Variants in SPATA13 observed in about 807,000 individuals in gnomAD.
SPATA13 encodes the protein spermatogenesis associated 13.
A neutral mutation model predicts 104.0 loss-of-function variants in SPATA13; 50 were observed. That is an observed-to-expected ratio of 0.48 (90% CI 0.38 to 0.61). The LOEUF is 0.61. SPATA13 is among the 20% of genes least tolerant of loss of function. The probability of loss-of-function intolerance (pLI) is 0.00; values close to 1 mark genes in which losing one functional copy is unlikely to be tolerated. For missense variants in SPATA13, 1,524 were observed against 1,690.6 expected, an observed-to-expected ratio of 0.90 and a Z score of 1.73; for synonymous variants, 606 against 667.5, an observed-to-expected ratio of 0.91 and a Z score of 1.42.
At chr13:24,027,331 C>T (rs1189131325) in intron 3 of SPATA13, among the ~76,000 whole-genome samples, 2 of 151,766 alleles carry the variant, frequency 1.3e-5, no homozygotes, top group Non-Finnish European at 2.9e-5. Flanking sequence ...GACGGCGTTT[C>T]ACCATGTTGA....
chr13:24,238,523 C>T lies in SPATA13; in HGVS notation c.1654-10954C>T, dbSNP rs187941666. Among the ~76,000 whole-genome samples the T allele has an allele frequency of 1.4e-4, 21 of 152,186 alleles. No individual in the cohort carries two copies. The Middle Eastern group carries it at 0.01, about 74-fold the overall frequency. ...ATGGGCTAGTTCTGCTAAGGTGCTTCAGTCCCTTTTCTGGCCATTTGTTTT... is the reference window on the plus strand; with the variant it reads ...ATGGGCTAGTTCTGCTAAGGTGCTTTAGTCCCTTTTCTGGCCATTTGTTTT... On this transcript the variant is annotated intron_variant, in intron 2 of 12. Transcript: ENST00000382108.
At chr13:24,072,021 G>T (rs918315105) in intron 3 of SPATA13, among the ~76,000 whole-genome samples, 2 of 152,110 alleles carry the variant, frequency 1.3e-5, no homozygotes, top group African/African-American at 4.8e-5. Flanking sequence ...TCCATATGCC[G>T]TCTTCTCATT....
intron 1 of SPATA13, among the ~76,000 whole-genome samples, chr13:24,190,643 G>A (rs1482301474): frequency 3.3e-5 from 5 of 151,884 alleles, no homozygotes; most frequent in Non-Finnish European, 5.9e-5. Context: ...TAGAAGTGGA[G>A]GCTGAAGATT....
chr13:23,994,515 T>C (rs916588848), intron 2 of SPATA13, among the ~76,000 whole-genome samples: 7 of 152,248 alleles, frequency 4.6e-5, no homozygotes, highest in Admixed American at 3.9e-4. Flanking sequence ...CTGGCCGGCA[T>C]GACTGCAGGT....
chr13:24,191,497 CTTTCTTT>C (rs1176894271), intron 1 of SPATA13, among the ~76,000 whole-genome samples: 16 of 119,934 alleles, frequency 1.3e-4, no homozygotes, highest in African/African-American at 4.1e-4. Flanking sequence ...CTATACATTG[CTTTCTTT>C]TTTTTTTTTT....
intron 2 of SPATA13, among the ~76,000 whole-genome samples, chr13:24,237,246 A>C (rs1872616186): frequency 6.6e-6 from 1 of 151,996 alleles, no homozygotes; most frequent in South Asian, 2.1e-4. Flanking sequence ...AGTCCCAGCT[A>C]CTCAGGAGGT....
intron 3 of SPATA13, among the ~76,000 whole-genome samples, chr13:24,030,637 A>G (rs2137715082): frequency 6.6e-6 from 1 of 152,268 alleles, no homozygotes; most frequent in Middle Eastern, 3.4e-3. Flanking sequence ...GTATTCAACA[A>G]TCTCTTATTT....
intron 3 of SPATA13, among the ~76,000 whole-genome samples, chr13:24,141,952 A>T (rs1306590977): frequency 6.6e-6 from 1 of 151,882 alleles, no homozygotes; most frequent in East Asian, 1.9e-4. Flanking sequence ...GTTGCTGTTT[A>T]CTCACCTCAG....
At chr13:24,089,272 A>G (rs894904471) in intron 3 of SPATA13, among the ~76,000 whole-genome samples, 24 of 151,982 alleles carry the variant, frequency 1.6e-4, no homozygotes, top group African/African-American at 5.6e-4. Flanking sequence ...TATGGTCATA[A>G]CCCATGAGCA....
chr13:24,207,580 C>G (rs1298356214), intron 1 of SPATA13, among the ~76,000 whole-genome samples: 2 of 152,114 alleles, frequency 1.3e-5, no homozygotes, highest in Non-Finnish European at 2.9e-5. Context: ...ACATCCCTAC[C>G]AGCACTTGTT....
In SPATA13 at chr13:24,262,717, TACTA is replaced by T. The variant is rs561299823; in HGVS notation, c.2164+10857_2164+10860del. 3.9e-3 allele frequency among the ~76,000 whole-genome samples: 589 copies of T among 152,280 alleles called. 1 individual carries two copies. The highest frequency in any genetic ancestry group is 0.013 in the African/African-American group (520 of 41,560). On this transcript the variant is annotated intron_variant, in intron 4 of 12. Coordinates refer to ENST00000382108, the MANE Select transcript of SPATA13 (RefSeq NM_001166271.3). ...CACACAGTAAGTGTGCAGTAACTAT[TACTA>T]ATTAATTAGGGAAGCATTAACTATA...
chr13:24,269,898 T>C (rs1291371514), intron 4 of SPATA13, among the ~76,000 whole-genome samples: 2 of 151,832 alleles, frequency 1.3e-5, no homozygotes, highest in African/African-American at 2.4e-5. Context: ...CCTAATTTTT[T>C]TTTTTTAGAG....
chr13:24,078,365 T>C (rs1453900625), intron 3 of SPATA13, among the ~76,000 whole-genome samples: 1 of 152,204 alleles, frequency 6.6e-6, no homozygotes, highest in East Asian at 1.9e-4. Context: ...CCAAATACCA[T>C]GGTAAGGGCT....
intron 2 of SPATA13, among the ~76,000 whole-genome samples, chr13:24,237,107 C>T (rs1350856944): frequency 6.6e-6 from 1 of 152,048 alleles, no homozygotes; most frequent in Non-Finnish European, 1.5e-5. Context: ...TCTGTAATCC[C>T]AGCACTTTCT....
chr13:24,093,777 G>C (rs913926114), intron 3 of SPATA13, among the ~76,000 whole-genome samples: 1 of 152,156 alleles, frequency 6.6e-6, no homozygotes, highest in Admixed American at 6.5e-5. Context: ...AAGGGTACAG[G>C]GGAAAAGATC....
At chr13:24,082,826 C>CAGAA (rs1879577830) in intron 3 of SPATA13, among the ~76,000 whole-genome samples, 1 of 50,044 alleles carries the variant, frequency 2.0e-5, no homozygotes, top group Admixed American at 3.5e-4. Context: ...GACTCCGTCT[C>CAGAA]AAAAAAAAAA....
intron 1 of SPATA13, among the ~76,000 whole-genome samples, chr13:24,185,501 C>T (rs1869088073): frequency 6.6e-6 from 1 of 152,076 alleles, no homozygotes; most frequent in African/African-American, 2.4e-5. Context: ...TTTATATCAC[C>T]TCTGGAAATA....
chr13:24,077,108 G>T (rs1879355904), intron 3 of SPATA13, among the ~76,000 whole-genome samples: 1 of 151,828 alleles, frequency 6.6e-6, no homozygotes, highest in African/African-American at 2.4e-5. Context: ...GTCTGGGAAG[G>T]GCACCACACA....
intron 2 of SPATA13, among the ~76,000 whole-genome samples, chr13:24,241,445 G>A (rs1232247220): frequency 1.3e-5 from 2 of 152,248 alleles, no homozygotes; most frequent in Non-Finnish European, 2.9e-5. Context: ...TCAGCGAAAC[G>A]CAGAGTGTTT....
Sources: allele counts gnomAD v4.1 joint callset (sites outside exome capture counted in the v4.1 genomes callset), GRCh38; gene constraint gnomAD v4.1.1; transcripts MANE v1.5; gene names NCBI Gene and HGNC (gene_info 2026-07-23, HGNC 2026-07-21).